The following SCAF4 variants were observed in gnomAD, a reference collection of about 807,000 sequenced individuals.
SCAF4 encodes SR-related CTD associated factor 4.
Under a neutral mutation model 129.8 loss-of-function variants are expected in SCAF4, and 25 were observed. The ratio of observed to expected loss-of-function variants is 0.19; its 90% CI spans 0.14 to 0.27. The LOEUF is 0.27. SCAF4 is among the 10% of genes least tolerant of loss of function. The probability of loss-of-function intolerance (pLI) is 1.00; values close to 1 mark genes in which losing one functional copy is unlikely to be tolerated. For missense variants in SCAF4, 1,246 were observed against 1,457.1 expected (o/e 0.86, Z 2.36); for synonymous variants, 551 against 497.7 (o/e 1.11, Z -1.43).
At chr21:31,679,438 T>G (rs2049945050) in intron 19 of SCAF4, among the ~76,000 whole-genome samples, 1 of 152,104 alleles carries the variant, frequency 6.6e-6, no homozygotes, top group Admixed American at 6.5e-5. Flanking sequence ...TTGCATAGAT[T>G]CACCAATAAC....
chr21:31,705,603 TA>T (rs2050638591), intron 2 of SCAF4, 136 bp from the exon 3 acceptor site: 2 of 342,088 alleles, frequency 5.8e-6, no homozygotes, highest in Admixed American at 4.9e-5. Context: ...AAATACATAA[TA>T]AAAAATTTAA....
At position 31,732,061 on chromosome 21, in the gene SCAF4, T is replaced by A. The variant is rs915086262; in HGVS notation, c.-369A>T. ...GCCGGCGAGCGGGCGGGCCTCTCTC[T>A]CCCTCTCTCCAGCGGGATGGCGGCA... is the stretch of plus-strand genomic sequence containing the variant. On this transcript the variant is annotated 5_prime_UTR_variant, in exon 1 of 20. Coordinates refer to ENST00000286835, the MANE Select transcript of SCAF4 (RefSeq NM_020706.2). 1.2e-5 allele frequency: 5 copies of A among 419,832 alleles called. No individual in the cohort carries two copies. Among genetic ancestry groups the A allele is most frequent in the Non-Finnish European group, 2.1e-5 (5 of 240,630 alleles). 26.0% of individuals were successfully genotyped at this position (419,832 alleles called of 1,614,324 possible). A position where few individuals can be genotyped will look rare whatever the true frequency, so the allele number is the denominator to read the frequency against.
At chr21:31,676,148 A>G (rs979391676) in intron 19 of SCAF4, among the ~76,000 whole-genome samples, 1 of 152,208 alleles carries the variant, frequency 6.6e-6, no homozygotes, top group African/African-American at 2.4e-5. Flanking sequence ...AGATCTTTAC[A>G]GAAAAAGAGG....
At chr21:31,675,474 T>C (rs1201602078) in intron 19 of SCAF4, among the ~76,000 whole-genome samples, 3 of 152,100 alleles carry the variant, frequency 2.0e-5, no homozygotes, top group African/African-American at 7.2e-5. Context: ...ACTGAAGACA[T>C]TTAGTGGACA....
intron 1 of SCAF4, among the ~76,000 whole-genome samples, chr21:31,723,645 C>CGT (rs2051133925): frequency 6.8e-6 from 1 of 148,066 alleles, no homozygotes. Context: ...CGCGCGCGCG[C>CGT]GCACATACAG....
At chr21:31,720,553 T>C (rs548863967) in intron 1 of SCAF4, among the ~76,000 whole-genome samples, 1 of 152,302 alleles carries the variant, frequency 6.6e-6, no homozygotes, top group South Asian at 2.1e-4. Flanking sequence ...ACAGCAGCCA[T>C]GTGGGGCTGT....
chr21:31,730,329 A>G (rs1773219203), intron 1 of SCAF4, among the ~76,000 whole-genome samples: 1 of 152,202 alleles, frequency 6.6e-6, no homozygotes, highest in Admixed American at 6.5e-5. Flanking sequence ...AATCATCACA[A>G]CTGAACTTTT....
At chr21:31,691,598 A>G in intron 14 of SCAF4, among the ~76,000 whole-genome samples, 1 of 152,132 alleles carries the variant, frequency 6.6e-6, no homozygotes, top group African/African-American at 2.4e-5. Context: ...AAACAAAACA[A>G]AACAAATTCT....
chr21:31,704,589 A>G (rs1185055273), intron 3 of SCAF4, among the ~76,000 whole-genome samples: 1 of 152,100 alleles, frequency 6.6e-6, no homozygotes, highest in African/African-American at 2.4e-5. Flanking sequence ...CATCACTGTA[A>G]CAACCGCAGA....
intron 1 of SCAF4, among the ~76,000 whole-genome samples, chr21:31,716,518 T>C (rs552278740): frequency 2.0e-5 from 3 of 152,258 alleles, no homozygotes; most frequent in African/African-American, 7.2e-5. Flanking sequence ...TTAAACCAAA[T>C]AGTTAAATCC....
At chr21:31,719,379 T>C (rs2051016448) in intron 1 of SCAF4, among the ~76,000 whole-genome samples, 1 of 152,230 alleles carries the variant, frequency 6.6e-6, no homozygotes, top group Non-Finnish European at 1.5e-5. Context: ...TTTTCACTCT[T>C]TAATTGTACC....
intron 8 of SCAF4, 114 bp downstream of exon 8, chr21:31,696,455 A>C (rs556706322): frequency 6.1e-6 from 7 of 1,151,126 alleles, no homozygotes; most frequent in Non-Finnish European, 8.2e-6. Flanking sequence ...TAATACCACA[A>C]ATTTTACAAA....
intron 1 of SCAF4, among the ~76,000 whole-genome samples, chr21:31,726,963 T>C (rs1359480481): frequency 6.6e-6 from 1 of 151,852 alleles, no homozygotes; most frequent in East Asian, 1.9e-4. Flanking sequence ...GGGAGGAGGG[T>C]TGGGGTTGGA....
At position 31,678,806 on chromosome 21, in the gene SCAF4, T is replaced by C. The variant is rs1238000070; in HGVS notation, c.2488+6243A>G. 2.6e-5 allele frequency among the ~76,000 whole-genome samples: 4 copies of C among 152,300 alleles called. No homozygotes were observed. In the South Asian group the frequency reaches 6.2e-4, roughly 24 times the overall value. On this transcript the variant is annotated intron_variant, in intron 19 of 19. Coordinates refer to ENST00000286835, the MANE Select transcript of SCAF4 (RefSeq NM_020706.2). ...TAGCAATCGTATTTAAAATTGTACA[T>C]ATCCGTGTTACACCCTTATACTGCC...
chr21:31,719,678 A>G (rs1440828430), intron 1 of SCAF4, among the ~76,000 whole-genome samples: 2 of 151,842 alleles, frequency 1.3e-5, no homozygotes, highest in Non-Finnish European at 2.9e-5. Flanking sequence ...CTAATTTTGT[A>G]TTTTTAGTAG....
intron 1 of SCAF4, among the ~76,000 whole-genome samples, chr21:31,712,649 C>T (rs1290925488): frequency 6.6e-6 from 1 of 151,916 alleles, no homozygotes; most frequent in Non-Finnish European, 1.5e-5. Flanking sequence ...CTGCCTCAGC[C>T]TCCCGAGTAG....
At chr21:31,701,964 C>G in intron 5 of SCAF4, 46 bp from the exon 6 acceptor site, 4 of 1,593,692 alleles carry the variant, frequency 2.5e-6, no homozygotes, top group Non-Finnish European at 3.4e-6. Flanking sequence ...AGTTAACCTA[C>G]AAGTTTTCCT....
At chr21:31,680,666 T>C (rs994329855) in intron 19 of SCAF4, among the ~76,000 whole-genome samples, 2 of 152,240 alleles carry the variant, frequency 1.3e-5, no homozygotes, top group Non-Finnish European at 2.9e-5. Context: ...TGTTAGTACT[T>C]TGAAAACTCT....
At chr21:31,694,381 T>C (rs1253997519) in intron 10 of SCAF4, 92 bp from the exon 11 acceptor site, 1 of 769,986 alleles carries the variant, frequency 1.3e-6, no homozygotes, top group African/African-American at 1.8e-5. Flanking sequence ...AAAAATCTCC[T>C]TCCCTGAAGC....
Sources: gnomAD v4.1 joint callset for allele counts (sites outside exome capture counted in the v4.1 genomes callset) on GRCh38, gnomAD v4.1.1 for gene constraint, MANE v1.5 for transcripts, NCBI Gene and HGNC (gene_info 2026-07-23, HGNC 2026-07-21) for gene names.